MFAP3L: variants seen among roughly 807,000 people sequenced by gnomAD.
MFAP3L encodes the protein microfibril associated protein 3 like.
In MFAP3L, 5 loss-of-function variants were observed where a neutral mutation model predicts 20.0. That is an observed-to-expected ratio of 0.25 (90% confidence interval 0.13 to 0.53). The LOEUF is 0.53. Ranked by LOEUF, MFAP3L falls within the 20% of genes least tolerant of loss-of-function variation. MFAP3L has a pLI of 0.96. For missense variants in MFAP3L, 409 were observed against 527.5 expected (o/e 0.78, Z 2.20); for synonymous variants, 219 against 213.0 (o/e 1.03, Z -0.25).
chr4:170,016,104 C>G (rs1043000503), intron 1 of MFAP3L, among the ~76,000 whole-genome samples: 1 of 152,076 alleles, frequency 6.6e-6, no homozygotes, highest in African/African-American at 2.4e-5. Context: ...GCATTCATTA[C>G]TTTTATTATT....
chr4:170,013,679 A>G (rs1287078994), intron 1 of MFAP3L, among the ~76,000 whole-genome samples: 2 of 152,234 alleles, frequency 1.3e-5, no homozygotes. Flanking sequence ...GCCAATTATT[A>G]AATTGTTCTA....
chr4:169,994,364 T>C, intron 2 of MFAP3L: 5 of 985,258 alleles, frequency 5.1e-6, no homozygotes, highest in Non-Finnish European at 6.0e-6. Context: ...TGAACCTGGG[T>C]ACAGAAGAGG....
intron 1 of MFAP3L, among the ~76,000 whole-genome samples, chr4:170,022,730 T>C (rs2928818): frequency 0.069 from 10,422 of 152,034 alleles, 1,180 homozygotes; most frequent in African/African-American, 0.24. Context: ...AAGAGAAAGA[T>C]TGGACTGGCC....
intron 2 of MFAP3L, among the ~76,000 whole-genome samples, chr4:170,000,908 A>G (rs1443899670): frequency 6.6e-6 from 1 of 151,844 alleles, no homozygotes; most frequent in Admixed American, 6.6e-5. Flanking sequence ...TTTTCCATAG[A>G]GACAGGGTCT....
intron 1 of MFAP3L, among the ~76,000 whole-genome samples, chr4:170,009,454 G>A (rs1415124865): frequency 6.6e-6 from 1 of 151,356 alleles, no homozygotes; most frequent in Non-Finnish European, 1.5e-5. Context: ...CCAGCAAAGA[G>A]TAAAATAACA....
chr4:169,999,489 G>A (rs1299621922), intron 2 of MFAP3L, among the ~76,000 whole-genome samples: 1 of 152,158 alleles, frequency 6.6e-6, no homozygotes, highest in Non-Finnish European at 1.5e-5. Context: ...TAATTCCATA[G>A]AACATGGAAT....
intron 1 of MFAP3L, among the ~76,000 whole-genome samples, chr4:170,017,644 A>T (rs1006692474): frequency 6.6e-6 from 1 of 152,224 alleles, no homozygotes; most frequent in Non-Finnish European, 1.5e-5. Flanking sequence ...TAATTATTTT[A>T]AAATTTTGTT....
chr4:170,016,646 C>G (rs1223731554), intron 1 of MFAP3L, among the ~76,000 whole-genome samples: 1 of 152,196 alleles, frequency 6.6e-6, no homozygotes, highest in Non-Finnish European at 1.5e-5. Flanking sequence ...CCCCACTGTT[C>G]AGAAACACAC....
In MFAP3L at chr4:169,992,843, G is replaced by A. The variant is rs1737830333; in HGVS notation, c.299-534C>T. Reference sequence around the variant, plus strand: ...GTTTACCTGAGTTTCTCAAATTTAAGATTGAAGTAATCCTTGTATGATCTC... The same window carrying A: ...GTTTACCTGAGTTTCTCAAATTTAAAATTGAAGTAATCCTTGTATGATCTC... On this transcript the variant is annotated intron_variant, in intron 2 of 2. Transcript: ENST00000361618. The surrounding 1 kb of genome is among the most constrained non-coding windows in gnomAD (Gnocchi z 4.3). 6.6e-6 allele frequency among the ~76,000 whole-genome samples: 1 copy of A among 152,196 alleles called. No individual in the cohort carries two copies. Among genetic ancestry groups the A allele is most frequent in the African/African-American group, 2.4e-5 (1 of 41,448 alleles).
chr4:170,024,374 C>T (rs1740221938), intron 1 of MFAP3L, among the ~76,000 whole-genome samples: 1 of 152,150 alleles, frequency 6.6e-6, no homozygotes, highest in Non-Finnish European at 1.5e-5. Flanking sequence ...GGCCTTGCTG[C>T]TTCCTCCAGG....
chr4:170,006,115 C>CA, intron 1 of MFAP3L, 105 bp from the exon 2 acceptor site: 5 of 605,308 alleles, frequency 8.3e-6, no homozygotes, highest in Non-Finnish European at 9.3e-6. Flanking sequence ...CATCAACATA[C>CA]TTTTTTTTTT....
chr4:170,018,720 T>A (rs1351220104), intron 1 of MFAP3L, among the ~76,000 whole-genome samples: 2 of 152,214 alleles, frequency 1.3e-5, no homozygotes, highest in Non-Finnish European at 2.9e-5. Context: ...TGAGAAGTTC[T>A]AACCAGAGCT....
rs1490203793 is a variant in MFAP3L, at chr4:169,991,095, C to T, written c.*283G>A. The T allele has an allele frequency of 6.6e-6, 3 of 455,436 alleles. No individual in the cohort carries two copies. Among genetic ancestry groups the T allele is most frequent in the African/African-American group, 5.9e-5 (3 of 51,088 alleles). 28.2% of individuals were successfully genotyped at this position (455,436 alleles called of 1,614,324 possible). ...TGTACTCTTTGCCAAGAAGGCATCA[C>T]CAATTAAGGTATTTGGCAGAGATCA... On this transcript the variant is annotated 3_prime_UTR_variant, in exon 3 of 3. Coordinates refer to ENST00000361618, the MANE Select transcript of MFAP3L (RefSeq NM_021647.8). This position sits in a 1 kb window ranked among gnomAD's most constrained non-coding sequence, Gnocchi z 4.9.
chr4:169,995,688 A>G (rs1275754896), intron 2 of MFAP3L, among the ~76,000 whole-genome samples: 1 of 152,190 alleles, frequency 6.6e-6, no homozygotes, highest in Non-Finnish European at 1.5e-5. Context: ...ACAAACACCC[A>G]CGGTGACTAT....
intron 1 of MFAP3L, among the ~76,000 whole-genome samples, chr4:170,021,448 T>TA (rs1740031074): frequency 6.6e-6 from 1 of 152,216 alleles, no homozygotes; most frequent in African/African-American, 2.4e-5. Flanking sequence ...AACATTTGGG[T>TA]AAAAATCTTA....
chr4:170,007,322 G>A (rs1275878121), intron 1 of MFAP3L, among the ~76,000 whole-genome samples: 1 of 152,134 alleles, frequency 6.6e-6, no homozygotes, highest in Admixed American at 6.5e-5. Flanking sequence ...CCATGACTTT[G>A]CAAATGTCTT....
Position 170,005,850 on chromosome 4 carries a change from C to A in MFAP3L, c.28G>T (p.Val10Leu). 1 of 1,614,020 alleles carries A rather than the reference C, an allele frequency of 6.2e-7. No individual in the cohort carries two copies. Among genetic ancestry groups the A allele is most frequent in the Non-Finnish European group, 8.5e-7 (1 of 1,179,940 alleles). The change falls in exon 2 of 3, where the codon GTG (valine) becomes TTG (leucine). Residue 10 changes from valine (V) to leucine (L), a missense_variant. Transcript: ENST00000361618. MDRLKSHLT[V>L]CFLPSVPFLI... ...AAGGGCACAGAAGGTAGAAAGCACA[C>A]AGTCAGATGGCTCTTCAATCGATCC...
In MFAP3L at chr4:169,990,922, A is replaced by T. The variant is rs1423952590; in HGVS notation, c.*456T>A. On this transcript the variant is annotated 3_prime_UTR_variant, in exon 3 of 3. Coordinates refer to ENST00000361618, the MANE Select transcript of MFAP3L (RefSeq NM_021647.8). The stretch of plus-strand genomic sequence containing the variant: ...GTATTAATAACAATGACCCCATTAT[A>T]AAGGAAAAGCAAAATTAAAACTGAG... 6.1e-6 allele frequency: 1 copy of T among 163,420 alleles called. No homozygotes were observed. Among genetic ancestry groups the T allele is most frequent in the African/African-American group, 2.4e-5 (1 of 41,642 alleles). The allele number at this position is 163,420 out of a possible 1,614,324, so 10.1% of individuals were successfully genotyped here.
At chr4:170,008,909 C>T (rs770307227) in intron 1 of MFAP3L, among the ~76,000 whole-genome samples, 17 of 152,296 alleles carry the variant, frequency 1.1e-4, no homozygotes, top group South Asian at 4.1e-4. Flanking sequence ...CCCATAATCA[C>T]GTTTACACAC....
Sources: gnomAD v4.1 joint callset for allele counts (sites outside exome capture counted in the v4.1 genomes callset) on GRCh38, gnomAD v4.1.1 for gene constraint, Gnocchi (gnomAD v3.1) non-coding constraint, MANE v1.5 for transcripts, NCBI Gene and HGNC (gene_info 2026-07-23, HGNC 2026-07-21) for gene names.